Variants in LINGO2 observed in about 807,000 individuals in gnomAD.
The protein encoded by LINGO2 is leucine-rich repeat and immunoglobulin-like domain-containing nogo receptor-interacting protein 2.
Under a neutral mutation model 30.6 loss-of-function variants are expected in LINGO2, and 14 were observed. The observed-to-expected ratio is 0.46, with a 90% CI of 0.30 to 0.72. The LOEUF is 0.72. LINGO2 is among the 30% of genes least tolerant of loss of function. The pLI is 0.07. For synonymous variants in LINGO2, 317 were observed against 288.5 expected (o/e 1.10, Z -1.00); for missense variants, 729 against 751.7 (o/e 0.97, Z 0.35).
rs555963707 is a variant in LINGO2 at position 28,328,413 on chromosome 9, T to C, written c.-245-33047A>G. 2.6e-5 allele frequency among the ~76,000 whole-genome samples: 4 copies of C among 152,238 alleles called. No individual in the cohort carries two copies. The East Asian group carries it at 7.7e-4, about 29-fold the overall frequency. ...AACTAAATGAATAGCAGAAGAAATA[T>C]GTCAGACATTTTCACAACCAAACAT... On this transcript the variant is annotated intron_variant, in intron 3 of 5. Coordinates refer to ENST00000379992, the Ensembl canonical transcript of LINGO2.
the LINGO2 span, among the ~76,000 whole-genome samples, chr9:29,007,727 GC>G: frequency 6.6e-6 from 1 of 152,006 alleles, no homozygotes; most frequent in Non-Finnish European, 1.5e-5. Context: ...TAGCTGGATG[GC>G]AGAAAATAAG....
At chr9:28,509,402 T>C (rs1352260831) in intron 1 of LINGO2, among the ~76,000 whole-genome samples, 1 of 152,232 alleles carries the variant, frequency 6.6e-6, no homozygotes, top group Non-Finnish European at 1.5e-5. Flanking sequence ...TTCTGACTAT[T>C]GACCACCTTT....
chr9:28,054,881 A>G (rs1310614747), intron 4 of LINGO2, among the ~76,000 whole-genome samples: 2 of 152,104 alleles, frequency 1.3e-5, no homozygotes, highest in Non-Finnish European at 2.9e-5. Flanking sequence ...GCCTTTTCAA[A>G]TATCCAAGCA....
At chr9:28,018,295 C>A (rs1822941514) in intron 4 of LINGO2, among the ~76,000 whole-genome samples, 2 of 152,036 alleles carry the variant, frequency 1.3e-5, no homozygotes, top group South Asian at 2.1e-4. Flanking sequence ...GACATAGACC[C>A]TGGCAAAGAT....
the LINGO2 span, among the ~76,000 whole-genome samples, chr9:28,889,530 A>T: frequency 6.6e-6 from 1 of 152,066 alleles, no homozygotes; most frequent in African/African-American, 2.4e-5. Context: ...CTGGAAACAA[A>T]GAATGGAAGT....
At chr9:28,056,059 T>A (rs767122369) in intron 4 of LINGO2, among the ~76,000 whole-genome samples, 1 of 152,098 alleles carries the variant, frequency 6.6e-6, no homozygotes, top group Admixed American at 6.5e-5. Flanking sequence ...AAAGGAAAGA[T>A]CCAGAGAAAA....
intron 4 of LINGO2, among the ~76,000 whole-genome samples, chr9:28,123,978 A>T (rs1037927940): frequency 6.6e-6 from 1 of 152,114 alleles, no homozygotes; most frequent in African/African-American, 2.4e-5. Context: ...TTTAATTCTT[A>T]TATGGAAAAA....
intron 5 of LINGO2, among the ~76,000 whole-genome samples, chr9:27,952,891 C>T (rs574521405): frequency 1.3e-5 from 2 of 152,164 alleles, no homozygotes; most frequent in Non-Finnish European, 2.9e-5. Flanking sequence ...CTCTGTTGTA[C>T]ACATTTTAAA....
the LINGO2 span, among the ~76,000 whole-genome samples, chr9:28,921,751 A>G: frequency 6.6e-6 from 1 of 152,302 alleles, no homozygotes; most frequent in Non-Finnish European, 1.5e-5. Context: ...CATCTTGTTC[A>G]GTGTCTGGAC....
At chr9:28,355,299 GTCTCTCTCTCTCTC>G (rs3065608) in intron 3 of LINGO2, among the ~76,000 whole-genome samples, 9 of 120,944 alleles carry the variant, frequency 7.4e-5, no homozygotes, top group Non-Finnish European at 1.2e-4. Flanking sequence ...CTCTCTCTAT[GTCTCTCTCTCTCTC>G]TCTCTCTCTC....
At chr9:28,384,565 A>T (rs1821499910) in intron 2 of LINGO2, among the ~76,000 whole-genome samples, 1 of 151,914 alleles carries the variant, frequency 6.6e-6, no homozygotes, top group Admixed American at 6.6e-5. Flanking sequence ...ACTTCAGCAC[A>T]CATCACATTC....
In LINGO2 at chr9:28,201,108, G is replaced by C. The variant is rs1820216195; in HGVS notation, c.-87+94100C>G. ...TTTTTTTATTATACTTTAAGTTTTA[G>C]GGTACATGTGCACATTGTGCAGGTT... On this transcript the variant is annotated intron_variant, in intron 4 of 5. Transcript: ENST00000379992. Among the ~76,000 whole-genome samples, 3 of 149,462 alleles carry C rather than the reference G, an allele frequency of 2.0e-5. No individual in the cohort carries two copies. In the South Asian group the frequency reaches 6.4e-4, roughly 32 times the overall value.
At chr9:28,422,594 T>C (rs2134887853) in intron 2 of LINGO2, among the ~76,000 whole-genome samples, 1 of 152,198 alleles carries the variant, frequency 6.6e-6, no homozygotes, top group South Asian at 2.1e-4. Flanking sequence ...ATGGTACAGC[T>C]GCAATGCAAA....
At chr9:28,261,679 A>C (rs1287451490) in intron 4 of LINGO2, among the ~76,000 whole-genome samples, 1 of 151,894 alleles carries the variant, frequency 6.6e-6, no homozygotes, top group Non-Finnish European at 1.5e-5. Context: ...TTTGAGAAAA[A>C]AAATCCACCT....
intron 1 of LINGO2, among the ~76,000 whole-genome samples, chr9:28,643,941 G>A (rs1465052385): frequency 1.3e-5 from 2 of 151,944 alleles, no homozygotes; most frequent in Admixed American, 1.3e-4. Context: ...AATGGTGTTC[G>A]ACATTGATCA....
chr9:28,555,613 T>C (rs1005902735), intron 1 of LINGO2, among the ~76,000 whole-genome samples: 4 of 151,850 alleles, frequency 2.6e-5, no homozygotes, highest in East Asian at 1.9e-4. Flanking sequence ...TTCCAATCAA[T>C]AGAAAAAGAG....
chr9:28,923,974 G>C, the LINGO2 span, among the ~76,000 whole-genome samples: 1 of 152,158 alleles, frequency 6.6e-6, no homozygotes, highest in Non-Finnish European at 1.5e-5. Context: ...ACATGATCAT[G>C]CTCGGTCTAG....
the LINGO2 span, among the ~76,000 whole-genome samples, chr9:29,179,385 C>T: frequency 3.2e-3 from 482 of 151,772 alleles, 2 homozygotes; most frequent in Non-Finnish European, 5.5e-3. Context: ...ACATAGAATG[C>T]TTAGTTCCTA....
At chr9:28,530,637 G>T (rs951212338) in intron 1 of LINGO2, among the ~76,000 whole-genome samples, 2 of 152,024 alleles carry the variant, frequency 1.3e-5, no homozygotes, top group Admixed American at 1.3e-4. Flanking sequence ...TAAAGAAATA[G>T]AACTATGATA....
Sources: gnomAD v4.1 joint callset for allele counts (sites outside exome capture counted in the v4.1 genomes callset) on GRCh38, gnomAD v4.1.1 for gene constraint, MANE v1.5 for transcripts, NCBI Gene and HGNC (gene_info 2026-07-23, HGNC 2026-07-21) for gene names.